Variants in GRIK4 observed in about 807,000 individuals in gnomAD.
GRIK4 encodes the protein glutamate receptor ionotropic, kainate 4.
Under a neutral mutation model 104.9 loss-of-function variants are expected in GRIK4, and 40 were observed. That is an observed-to-expected ratio of 0.38 (90% CI 0.30 to 0.50). The LOEUF (loss-of-function observed/expected upper bound fraction) is 0.50, where lower values mean the gene tolerates loss of function less well. Ranked by LOEUF, GRIK4 falls within the 20% of genes least tolerant of loss-of-function variation. The pLI is 0.93. For synonymous variants in GRIK4, 485 were observed against 524.9 expected (o/e 0.92, Z 1.04); for missense variants, 1,047 against 1,308.1 (o/e 0.80, Z 3.08).
At chr11:120,972,232 G>C (rs540017150) in intron 19 of GRIK4, among the ~76,000 whole-genome samples, 111 of 152,302 alleles carry the variant, frequency 7.3e-4, no homozygotes, top group African/African-American at 2.6e-3. Context: ...GGGAGCATTG[G>C]CAATAGCCGT....
At chr11:120,656,615 C>G (rs1181772508) in intron 2 of GRIK4, among the ~76,000 whole-genome samples, 1 of 152,178 alleles carries the variant, frequency 6.6e-6, no homozygotes, top group Non-Finnish European at 1.5e-5. Context: ...AATCCCAGCA[C>G]TTTGGGAGGC....
chr11:120,712,210 G>A (rs981241139), intron 3 of GRIK4, among the ~76,000 whole-genome samples: 1 of 152,200 alleles, frequency 6.6e-6, no homozygotes, highest in Non-Finnish European at 1.5e-5. Context: ...GTAGTGGAAG[G>A]CTTCTCAGAG....
Position 120,549,810 on chromosome 11 carries a change from C to T in GRIK4, c.-159+37923C>T, listed in dbSNP as rs909976206. Reference sequence around the variant, plus strand: ...CCTAGGGACCAAGGAATCAACTGAACGGCCAGGCTGCTGCCAGTCTATGCA... The same window carrying T: ...CCTAGGGACCAAGGAATCAACTGAATGGCCAGGCTGCTGCCAGTCTATGCA... On this transcript the variant is annotated intron_variant, in intron 1 of 20. Transcript: ENST00000527524. This position sits in a 1 kb window ranked among gnomAD's most constrained non-coding sequence, Gnocchi z 4.7. Among the ~76,000 whole-genome samples the T allele has an allele frequency of 9.9e-5, 15 of 152,100 alleles. No homozygotes were observed. The highest frequency in any genetic ancestry group is 3.2e-3 in the Middle Eastern group (1 of 314).
At chr11:120,865,730 G>GT (rs1416602725) in intron 9 of GRIK4, among the ~76,000 whole-genome samples, 2 of 152,198 alleles carry the variant, frequency 1.3e-5, no homozygotes, top group African/African-American at 2.4e-5. Flanking sequence ...AAGGCACATG[G>GT]TAAAAAGTCT....
At chr11:120,597,990 C>T (rs970371334) in intron 1 of GRIK4, among the ~76,000 whole-genome samples, 2 of 152,144 alleles carry the variant, frequency 1.3e-5, no homozygotes, top group East Asian at 1.9e-4. Flanking sequence ...TTGGATGAAA[C>T]GTCTCTTTCC....
intron 1 of GRIK4, among the ~76,000 whole-genome samples, chr11:120,566,107 T>C (rs957317153): frequency 6.6e-6 from 1 of 152,262 alleles, no homozygotes. Context: ...CTTTGCACTT[T>C]AAAGCCTGTT....
intron 1 of GRIK4, among the ~76,000 whole-genome samples, chr11:120,641,298 G>A (rs1949469402): frequency 6.6e-6 from 1 of 151,684 alleles, no homozygotes; most frequent in African/African-American, 2.4e-5. Context: ...TTATAATATT[G>A]TAATCTCAGT....
At chr11:120,733,688 G>A in intron 3 of GRIK4, among the ~76,000 whole-genome samples, 1 of 150,696 alleles carries the variant, frequency 6.6e-6, no homozygotes, top group South Asian at 2.1e-4. Flanking sequence ...TGCCTTAAAA[G>A]TTGTTGTAGT....
In GRIK4 at chr11:120,967,985, G is replaced by A. The variant is rs1379321090; in HGVS notation, c.2395+662G>A. Among the ~76,000 whole-genome samples, 1 of 151,882 alleles carries A rather than the reference G, an allele frequency of 6.6e-6. No homozygotes were observed. Among genetic ancestry groups the A allele is most frequent in the East Asian group, 1.9e-4 (1 of 5,192 alleles). ...CTTATTTCCCTTCTCAGACCTCATC[G>A]CTACCTGATATTATATTTCTTGTGT... On this transcript the variant is annotated intron_variant, in intron 19 of 20. Transcript: ENST00000527524. The surrounding 1 kb of genome is among the most constrained non-coding windows in gnomAD (Gnocchi z 4.2).
At chr11:120,604,051 A>G (rs1237112766) in intron 1 of GRIK4, among the ~76,000 whole-genome samples, 1 of 151,904 alleles carries the variant, frequency 6.6e-6, no homozygotes, top group Non-Finnish European at 1.5e-5. Context: ...GGGCACCTGT[A>G]GCCCCAGCTA....
At chr11:120,892,319 T>C (rs1955327236) in intron 11 of GRIK4, among the ~76,000 whole-genome samples, 1 of 152,182 alleles carries the variant, frequency 6.6e-6, no homozygotes, top group African/African-American at 2.4e-5. Context: ...TCTCTATCCT[T>C]AAGCCAACAT....
At chr11:120,658,550 T>A (rs1029915052) in intron 2 of GRIK4, among the ~76,000 whole-genome samples, 5 of 152,088 alleles carry the variant, frequency 3.3e-5, no homozygotes, top group African/African-American at 7.2e-5. Context: ...TGTCTTTTTT[T>A]AAAATCATTA....
At chr11:120,759,815 CT>C (rs899715133) in intron 3 of GRIK4, among the ~76,000 whole-genome samples, 1 of 151,902 alleles carries the variant, frequency 6.6e-6, no homozygotes, top group Admixed American at 6.6e-5. Context: ...GTTATGACTT[CT>C]TTTTTTCCTA....
chr11:120,756,970 A>T (rs768939975), intron 3 of GRIK4, among the ~76,000 whole-genome samples: 2 of 152,116 alleles, frequency 1.3e-5, no homozygotes, highest in Non-Finnish European at 2.9e-5. Flanking sequence ...GATTTTTCTG[A>T]TCTTGAAGGA....
chr11:120,924,697 T>G (rs1389688713), intron 13 of GRIK4, among the ~76,000 whole-genome samples: 1 of 152,196 alleles, frequency 6.6e-6, no homozygotes, highest in Non-Finnish European at 1.5e-5. Flanking sequence ...AATAGGTTAC[T>G]GCCAACCTTA....
intron 1 of GRIK4, among the ~76,000 whole-genome samples, chr11:120,536,410 T>A (rs191779274): frequency 6.6e-6 from 1 of 152,282 alleles, no homozygotes; most frequent in Non-Finnish European, 1.5e-5. Flanking sequence ...CCTGATGGTG[T>A]CTGTACAGAA....
intron 9 of GRIK4, chr11:120,868,899 T>C (rs1349773704): frequency 1.3e-5 from 2 of 152,274 alleles, no homozygotes; most frequent in African/African-American, 2.4e-5. Flanking sequence ...GGAGGGCTTT[T>C]GTAACAGAAA....
intron 3 of GRIK4, among the ~76,000 whole-genome samples, chr11:120,770,164 G>A (rs1450323722): frequency 6.6e-6 from 1 of 152,166 alleles, no homozygotes; most frequent in Non-Finnish European, 1.5e-5. Context: ...CAATAGGGAA[G>A]CAAAGGAATT....
chr11:120,921,214 G>A (rs921875902), intron 13 of GRIK4, among the ~76,000 whole-genome samples: 2 of 152,122 alleles, frequency 1.3e-5, no homozygotes, highest in Non-Finnish European at 2.9e-5. Flanking sequence ...CTTATTATGG[G>A]ACTATGTGTT....
Sources: allele counts gnomAD v4.1 joint callset (sites outside exome capture counted in the v4.1 genomes callset), GRCh38; gene constraint gnomAD v4.1.1; non-coding constraint Gnocchi (gnomAD v3.1); transcripts MANE v1.5; gene names NCBI Gene and HGNC (gene_info 2026-07-23, HGNC 2026-07-21).